The following SCMH1 variants were observed in gnomAD, a reference collection of about 807,000 sequenced individuals.
The protein encoded by SCMH1 is Scm polycomb group protein homolog 1.
SCMH1 carries 37 observed loss-of-function variants against 70.8 expected under a neutral mutation model. That is an observed-to-expected ratio of 0.52 (90% CI 0.40 to 0.69). SCMH1 has a LOEUF of 0.69. Ranked by LOEUF, SCMH1 falls within the 30% of genes least tolerant of loss-of-function variation. SCMH1 has a pLI of 0.00. For synonymous variants in SCMH1, 292 were observed against 307.4 expected, an observed-to-expected ratio of 0.95 and a Z score of 0.52; for missense variants, 607 against 827.3, an observed-to-expected ratio of 0.73 and a Z score of 3.27.
chr1:41,208,421 T>A (rs1656128099), intron 1 of SCMH1, among the ~76,000 whole-genome samples: 16 of 100,390 alleles, frequency 1.6e-4, no homozygotes, highest in Admixed American at 2.4e-4. Context: ...AAACTTAGAG[T>A]ATAAGAAAAA....
At chr1:41,237,490 A>G (rs1245300753) in intron 1 of SCMH1, among the ~76,000 whole-genome samples, 1 of 152,210 alleles carries the variant, frequency 6.6e-6, no homozygotes, top group Non-Finnish European at 1.5e-5. Context: ...GAGGTAGAGA[A>G]AGAAGACATC....
chr1:41,214,735 C>CA (rs917273235), intron 1 of SCMH1, among the ~76,000 whole-genome samples: 20 of 150,292 alleles, frequency 1.3e-4, no homozygotes, highest in Admixed American at 5.3e-4. Context: ...TACCCTGACT[C>CA]AAAAAAAAAG....
chr1:41,033,580 G>A (rs373459421), intron 13 of SCMH1, among the ~76,000 whole-genome samples: 3 of 152,082 alleles, frequency 2.0e-5, no homozygotes, highest in Non-Finnish European at 4.4e-5. Context: ...CAATGTGTAC[G>A]GCTGGCACTT....
At chr1:41,187,210 C>T (rs1254630365) in intron 1 of SCMH1, among the ~76,000 whole-genome samples, 1 of 152,090 alleles carries the variant, frequency 6.6e-6, no homozygotes, top group African/African-American at 2.4e-5. Flanking sequence ...CGTCTGTAGT[C>T]CCAGCACTTT....
intron 1 of SCMH1, among the ~76,000 whole-genome samples, chr1:41,219,932 CAAA>C (rs147480594): frequency 2.5e-5 from 3 of 121,106 alleles, no homozygotes; most frequent in African/African-American, 3.2e-5. Context: ...CTCCGTCTCA[CAAA>C]AAAAAAAAAA....
intron 2 of SCMH1, among the ~76,000 whole-genome samples, chr1:41,177,130 G>T (rs554345630): frequency 6.6e-6 from 1 of 152,176 alleles, no homozygotes; most frequent in African/African-American, 2.4e-5. Context: ...AGGCAAACAG[G>T]GTCTGGAGTG....
intron 1 of SCMH1, among the ~76,000 whole-genome samples, chr1:41,196,908 A>G (rs1653154277): frequency 6.6e-6 from 1 of 152,214 alleles, no homozygotes; most frequent in Admixed American, 6.5e-5. Context: ...ACAATTCTCC[A>G]AAGAAGATAT....
At chr1:41,179,607 T>A (rs180917088) in intron 2 of SCMH1, among the ~76,000 whole-genome samples, 2,909 of 152,122 alleles carry the variant, frequency 0.019, 76 homozygotes, top group African/African-American at 0.066. Flanking sequence ...TAAACTAGGA[T>A]ATCTAGAAGA....
At chr1:41,075,156 G>A (rs1378035343) in intron 9 of SCMH1, 63 bp downstream of exon 9, 13 of 1,523,534 alleles carry the variant, frequency 8.5e-6, no homozygotes, top group Middle Eastern at 1.7e-4. Context: ...GAGCCACGGC[G>A]CCTGGCCGAA....
chr1:41,223,513 C>CT (rs139919027), intron 1 of SCMH1, among the ~76,000 whole-genome samples: 12,405 of 145,452 alleles, frequency 0.085, 669 homozygotes, highest in South Asian at 0.16. Context: ...GTAATTTTAT[C>CT]TTTTTTTTTT....
intron 1 of SCMH1, among the ~76,000 whole-genome samples, chr1:41,232,514 C>T (rs1015628093): frequency 2.6e-5 from 4 of 152,092 alleles, no homozygotes; most frequent in Non-Finnish European, 5.9e-5. Context: ...CATAACACTG[C>T]TGTGGGGCAC....
intron 8 of SCMH1, among the ~76,000 whole-genome samples, chr1:41,090,910 G>A (rs1294979667): frequency 6.6e-6 from 1 of 151,814 alleles, no homozygotes; most frequent in African/African-American, 2.4e-5. Context: ...GCAGTGGCGG[G>A]TGCCTGTAGT....
intron 1 of SCMH1, among the ~76,000 whole-genome samples, chr1:41,225,873 C>G (rs963157214): frequency 2.6e-5 from 4 of 152,080 alleles, no homozygotes; most frequent in African/African-American, 7.2e-5. Context: ...GCTTTTTAAG[C>G]CTTTTTTGGT....
intron 12 of SCMH1, among the ~76,000 whole-genome samples, chr1:41,039,045 G>A (rs951295680): frequency 1.3e-5 from 2 of 152,172 alleles, no homozygotes; most frequent in East Asian, 1.9e-4. Context: ...TATTTCATTC[G>A]GAGTTGAAGT....
chr1:41,161,592 A>G, intron 2 of SCMH1, 160 bp from the exon 3 acceptor site: 1 of 779,268 alleles, frequency 1.3e-6, no homozygotes, highest in Non-Finnish European at 1.8e-6. Context: ...GGTTTTATGT[A>G]AAAAGCCTTG....
chr1:41,079,536 C>T (rs765321858), intron 8 of SCMH1, among the ~76,000 whole-genome samples: 3 of 152,092 alleles, frequency 2.0e-5, no homozygotes, highest in Non-Finnish European at 2.9e-5. Flanking sequence ...GATACATATA[C>T]CTAATAAATA....
chr1:41,177,474 A>G (rs1647291535), intron 2 of SCMH1, among the ~76,000 whole-genome samples: 3 of 152,102 alleles, frequency 2.0e-5, no homozygotes, highest in African/African-American at 7.2e-5. Flanking sequence ...CCCATGGCAA[A>G]GAAGCTAAAA....
chr1:41,239,706 C>T (rs1350852636), intron 1 of SCMH1, among the ~76,000 whole-genome samples: 2 of 152,198 alleles, frequency 1.3e-5, no homozygotes, highest in Non-Finnish European at 2.9e-5. Context: ...TCATGGCTCA[C>T]TGAAGCCTCA....
At chr1:41,155,730 C>T (rs1365218191) in intron 4 of SCMH1, among the ~76,000 whole-genome samples, 2 of 152,004 alleles carry the variant, frequency 1.3e-5, no homozygotes, top group Non-Finnish European at 2.9e-5. Context: ...TCCTGTAATC[C>T]CAGCACTTTG....
Sources: allele counts gnomAD v4.1 joint callset (sites outside exome capture counted in the v4.1 genomes callset), GRCh38; gene constraint gnomAD v4.1.1; transcripts MANE v1.5; gene names NCBI Gene and HGNC (gene_info 2026-07-23, HGNC 2026-07-21).